Variants in MAU2 observed in about 807,000 individuals in gnomAD.
MAU2 encodes MAU2 sister chromatid cohesion factor.
Under a neutral mutation model 89.1 loss-of-function variants are expected in MAU2, and 9 were observed. That is an observed-to-expected ratio of 0.10 (90% CI 0.06 to 0.18). The LOEUF (loss-of-function observed/expected upper bound fraction) is 0.18, where lower values mean the gene tolerates loss of function less well. Among genes scored for constraint, MAU2 ranks in the 10% least tolerant of loss-of-function variants. The pLI is 1.00. For synonymous variants in MAU2, 357 were observed against 343.4 expected, an observed-to-expected ratio of 1.04 and a Z score of -0.44; for missense variants, 425 against 803.5, an observed-to-expected ratio of 0.53 and a Z score of 5.69.
At chr19:19,321,811 A>G (rs2061460185) in intron 1 of MAU2, 1 of 152,088 alleles carries the variant, frequency 6.6e-6, no homozygotes, top group Non-Finnish European at 1.5e-5. Context: ...CCCGCTGTTC[A>G]GTTTCAGTAT....
At chr19:19,328,624 T>C (rs2061530728) in intron 1 of MAU2, among the ~76,000 whole-genome samples, 1 of 152,086 alleles carries the variant, frequency 6.6e-6, no homozygotes, top group African/African-American at 2.4e-5. Context: ...GGTTTCACCA[T>C]GTTAGCCAGG....
intron 13 of MAU2, chr19:19,347,770 G>A (rs1282598366): frequency 6.1e-6 from 1 of 164,646 alleles, no homozygotes; most frequent in Non-Finnish European, 1.3e-5. Context: ...GCACTCACTG[G>A]CTGCAGTGTT....
intron 1 of MAU2, among the ~76,000 whole-genome samples, chr19:19,325,538 G>A (rs2061496877): frequency 6.6e-6 from 1 of 151,980 alleles, no homozygotes; most frequent in Admixed American, 6.6e-5. Flanking sequence ...GGAGTGCAGT[G>A]GTGCGATTTC....
Position 19,356,691 on chromosome 19 carries a change from A to G in MAU2, c.*909A>G, listed in dbSNP as rs375074630. 2 of 154,174 alleles carry G rather than the reference A, an allele frequency of 1.3e-5. No homozygotes were observed. Among genetic ancestry groups the G allele is most frequent in the East Asian group, 1.9e-4 (1 of 5,134 alleles). 9.6% of individuals were successfully genotyped at this position (154,174 alleles called of 1,614,324 possible). Reference sequence around the variant, plus strand: ...AGCCCAGGGACTTTCTTCCTGGCAGATCTGTGGCCTTCCCTGCTCAGCCTC... The same window carrying G: ...AGCCCAGGGACTTTCTTCCTGGCAGGTCTGTGGCCTTCCCTGCTCAGCCTC... On this transcript the variant is annotated 3_prime_UTR_variant, in exon 19 of 19. Transcript: ENST00000262815.
At chr19:19,322,696 C>T (rs1245045903) in intron 1 of MAU2, among the ~76,000 whole-genome samples, 1 of 151,930 alleles carries the variant, frequency 6.6e-6, no homozygotes, top group Non-Finnish European at 1.5e-5. Flanking sequence ...CCCTGCCTCC[C>T]TTTTACCTTT....
At chr19:19,346,063 G>C (rs1234102515) in intron 12 of MAU2, among the ~76,000 whole-genome samples, 2 of 152,162 alleles carry the variant, frequency 1.3e-5, no homozygotes, top group African/African-American at 4.8e-5. Context: ...AGGTCACCAG[G>C]GAGTCCTGTG....
rs1343658256 is a variant in MAU2 at position 19,355,916 on chromosome 19, G to A, written c.*134G>A. On this transcript the variant is annotated 3_prime_UTR_variant, in exon 19 of 19. Transcript: ENST00000262815. ...AGCTTCCAAGTCCTGGGAATGTGCG[G>A]GGCCAGTCCCTGCCCTCCCAGGAGG... 3.4e-6 allele frequency: 3 copies of A among 892,000 alleles called. No individual in the cohort carries two copies. Among genetic ancestry groups the A allele is most frequent in the Non-Finnish European group, 5.4e-6 (3 of 551,352 alleles). The allele number at this position is 892,000 out of a possible 1,614,324, so 55.3% of individuals were successfully genotyped here.
At chr19:19,323,236 C>T (rs981621824) in intron 1 of MAU2, among the ~76,000 whole-genome samples, 2 of 150,580 alleles carry the variant, frequency 1.3e-5, no homozygotes, top group South Asian at 4.2e-4. Flanking sequence ...CGCTTTGTCA[C>T]CAGGCTGGAG....
At chr19:19,321,897 C>T (rs1319588387) in intron 1 of MAU2, 3 of 152,146 alleles carry the variant, frequency 2.0e-5, no homozygotes, top group Admixed American at 6.6e-5. Flanking sequence ...CATCCTCTTC[C>T]GTCAGAGTGA....
intron 1 of MAU2, 131 bp from the exon 2 acceptor site, chr19:19,335,587 G>A (rs777234668): frequency 4.6e-6 from 4 of 861,134 alleles, no homozygotes; most frequent in Non-Finnish European, 7.8e-6. Flanking sequence ...GGCCAAGCGG[G>A]CCGCCTTCTT....
At chr19:19,332,522 C>T (rs1209892049) in intron 1 of MAU2, among the ~76,000 whole-genome samples, 4 of 152,072 alleles carry the variant, frequency 2.6e-5, no homozygotes, top group Admixed American at 1.3e-4. Context: ...ATCGCTAACT[C>T]ACAGTGGATC....
Position 19,358,627 on chromosome 19 carries a change from T to A in MAU2, c.*2845T>A, listed in dbSNP as rs767757988. On this transcript the variant is annotated 3_prime_UTR_variant, in exon 19 of 19. Coordinates refer to ENST00000262815, the MANE Select transcript of MAU2 (RefSeq NM_015329.4). The stretch of plus-strand genomic sequence containing the variant: ...CAGCCTATAACTTTTCAGCTGGTGC[T>A]TTTACTTAGGGAAAAAAACAATTTG... 6 of 152,262 alleles carry A rather than the reference T, an allele frequency of 3.9e-5. No individual in the cohort carries two copies. The highest frequency in any genetic ancestry group is 7.3e-5 in the Non-Finnish European group (5 of 68,044). The allele number at this position is 152,262 out of a possible 1,614,324, so 9.4% of individuals were successfully genotyped here. A position where few individuals can be genotyped will look rare whatever the true frequency, so the allele number is the denominator to read the frequency against.
chr19:19,337,955 G>GT (rs1345418615), intron 4 of MAU2, among the ~76,000 whole-genome samples: 1 of 152,222 alleles, frequency 6.6e-6, no homozygotes, highest in African/African-American at 2.4e-5. Flanking sequence ...CCTGTCCTGG[G>GT]CTCCACCCAT....
chr19:19,340,858 C>T lies in MAU2; in HGVS notation c.564C>T (p.Leu188=), dbSNP rs1224126574. ...TCTTGTTTTGCAGGGCGCTGTTCCTCCTCAGCAAGGGGATGGTAAGTTGAG... is the reference window on the plus strand; with the variant it reads ...TCTTGTTTTGCAGGGCGCTGTTCCTTCTCAGCAAGGGGATGGTAAGTTGAG... The part of the protein sequence containing the change: ...VGSEYTRALF[L]LSKGMLLLME... The change falls in exon 6 of 19, where the codon CTC becomes CTT. Residue 188 remains leucine (L), a synonymous_variant. Transcript: ENST00000262815. 3 of 1,613,394 alleles carry T rather than the reference C, an allele frequency of 1.9e-6. No individual in the cohort carries two copies. Among genetic ancestry groups the T allele is most frequent in the Non-Finnish European group, 2.5e-6 (3 of 1,179,906 alleles).
chr19:19,327,388 C>T (rs1026025028), intron 1 of MAU2, among the ~76,000 whole-genome samples: 6 of 151,830 alleles, frequency 4.0e-5, no homozygotes, highest in Non-Finnish European at 5.9e-5. Context: ...TGCAATGGCG[C>T]GATCTCGGCT....
In MAU2 at chr19:19,345,240, C is replaced by T. The variant is rs559766431; in HGVS notation, c.1156-64C>T. On this transcript the variant is annotated intron_variant, in intron 11 of 18. Transcript: ENST00000262815. The surrounding 1 kb of genome is among the most constrained non-coding windows in gnomAD (Gnocchi z 4.9). ...AGCCGTGCAGGCCCCGGGCACACCA[C>T]GTGTCTCTGATCTGAGCCCCCTCCC... 7.6e-5 allele frequency: 110 copies of T among 1,446,530 alleles called. 1 individual carries two copies. In the South Asian group the frequency reaches 9.7e-4, roughly 13 times the overall value. 89.6% of individuals were successfully genotyped at this position (1,446,530 alleles called of 1,614,324 possible).
intron 12 of MAU2, chr19:19,347,048 G>A (rs2061698747): frequency 1.9e-6 from 1 of 520,638 alleles, no homozygotes; most frequent in African/African-American, 1.9e-5. Context: ...GGGGTGGCTG[G>A]TTTTCCTCTT....
chr19:19,351,096 G>T (rs773753101), intron 16 of MAU2, among the ~76,000 whole-genome samples: 2 of 151,818 alleles, frequency 1.3e-5, no homozygotes, highest in Non-Finnish European at 1.5e-5. Context: ...AAGTTGGAGC[G>T]CAGTGGCATG....
At chr19:19,350,120 C>A (rs2061730464) in intron 16 of MAU2, among the ~76,000 whole-genome samples, 1 of 149,492 alleles carries the variant, frequency 6.7e-6, no homozygotes, top group South Asian at 2.1e-4. Flanking sequence ...CATAGTGAAA[C>A]CCTGTCTCTT....
Sources: allele counts gnomAD v4.1 joint callset (sites outside exome capture counted in the v4.1 genomes callset), GRCh38; gene constraint gnomAD v4.1.1; non-coding constraint Gnocchi (gnomAD v3.1); transcripts MANE v1.5; gene names NCBI Gene and HGNC (gene_info 2026-07-23, HGNC 2026-07-21).